The following DLG2 variants were observed in gnomAD, a reference collection of about 807,000 sequenced individuals.
The protein encoded by DLG2 is discs large MAGUK scaffold protein 2, also known as disks large homolog 2.
A neutral mutation model predicts 132.5 loss-of-function variants in DLG2; 45 were observed. The ratio of observed to expected loss-of-function variants is 0.34; its 90% CI spans 0.27 to 0.44. The LOEUF (loss-of-function observed/expected upper bound fraction) is 0.44, where lower values mean the gene tolerates loss of function less well. DLG2 is among the 20% of genes least tolerant of loss of function. The probability of loss-of-function intolerance (pLI) is 1.00; values close to 1 mark genes in which losing one functional copy is unlikely to be tolerated. For synonymous variants in DLG2, 424 were observed against 419.6 expected (o/e 1.01, Z -0.13); for missense variants, 1,045 against 1,196.9 (o/e 0.87, Z 1.87).
intron 6 of DLG2, among the ~76,000 whole-genome samples, chr11:84,600,008 T>C (rs2099571904): frequency 6.8e-6 from 1 of 147,910 alleles, no homozygotes; most frequent in Non-Finnish European, 1.5e-5. Context: ...GAAGATCACC[T>C]GAGCCCTGCG....
intron 7 of DLG2, among the ~76,000 whole-genome samples, chr11:84,443,849 T>C (rs1303662737): frequency 1.5e-4 from 23 of 152,166 alleles, no homozygotes; most frequent in Non-Finnish European, 3.1e-4. Context: ...TTTATTCATG[T>C]TTTGTCATAC....
chr11:84,774,845 A>G (rs1434593099), intron 6 of DLG2, among the ~76,000 whole-genome samples: 1 of 152,182 alleles, frequency 6.6e-6, no homozygotes, highest in African/African-American at 2.4e-5. Context: ...AATAAAACAT[A>G]GGAAGCACCA....
chr11:85,401,372 A>C (rs1199512495), intron 3 of DLG2, among the ~76,000 whole-genome samples: 2 of 152,192 alleles, frequency 1.3e-5, no homozygotes, highest in Non-Finnish European at 2.9e-5. Flanking sequence ...ATAAACCCAC[A>C]GCCAATATCG....
At chr11:84,381,114 C>T (rs901314022) in intron 7 of DLG2, among the ~76,000 whole-genome samples, 1 of 151,638 alleles carries the variant, frequency 6.6e-6, no homozygotes, top group Non-Finnish European at 1.5e-5. Flanking sequence ...TTTTCTCTAC[C>T]AAATTTGAAA....
intron 11 of DLG2, among the ~76,000 whole-genome samples, chr11:84,004,610 T>TA (rs1215722009): frequency 6.6e-6 from 1 of 151,834 alleles, no homozygotes; most frequent in Admixed American, 6.6e-5. Context: ...AAAATCAATA[T>TA]AAAAAATCAG....
chr11:84,316,412 A>G (rs993014321), intron 7 of DLG2, among the ~76,000 whole-genome samples: 1 of 152,220 alleles, frequency 6.6e-6, no homozygotes, highest in Non-Finnish European at 1.5e-5. Context: ...TCTATAGCTA[A>G]AGAAACAAAT....
intron 6 of DLG2, among the ~76,000 whole-genome samples, chr11:84,940,806 C>A (rs1014730783): frequency 4.6e-5 from 7 of 152,110 alleles, no homozygotes; most frequent in Non-Finnish European, 8.8e-5. Flanking sequence ...ATTGCCCAGA[C>A]CAATGACCTA....
intron 18 of DLG2, among the ~76,000 whole-genome samples, chr11:83,759,541 TA>T (rs1427810309): frequency 6.6e-6 from 1 of 152,168 alleles, no homozygotes; most frequent in African/African-American, 2.4e-5. Context: ...TTTTTCATTG[TA>T]GGACTTTAAT....
intron 3 of DLG2, among the ~76,000 whole-genome samples, chr11:85,487,118 C>A (rs113590598): frequency 6.7e-6 from 1 of 149,288 alleles, no homozygotes; most frequent in Admixed American, 6.7e-5. Context: ...ATTCAGCCAA[C>A]AATGTATATA....
rs575294143 is a variant in DLG2, at chr11:85,207,055, T to C, written c.187-52404A>G. 7.1e-4 allele frequency among the ~76,000 whole-genome samples: 108 copies of C among 152,264 alleles called. 1 individual carries two copies. Among genetic ancestry groups the C allele is most frequent in the African/African-American group, 2.5e-3 (104 of 41,558 alleles). The stretch of plus-strand genomic sequence containing the variant: ...AAACACATTTCACTGTTGAGACAAC[T>C]TGTCAGTGATATTCAATTTGCTGTC... On this transcript the variant is annotated intron_variant, in intron 4 of 27. Transcript: ENST00000376104.
At chr11:84,942,316 C>T (rs965534177) in intron 6 of DLG2, among the ~76,000 whole-genome samples, 2 of 152,000 alleles carry the variant, frequency 1.3e-5, no homozygotes, top group African/African-American at 4.8e-5. Context: ...AGATGAATCA[C>T]TGGTTGTTTA....
chr11:83,970,089 G>A (rs569710296), intron 12 of DLG2, among the ~76,000 whole-genome samples: 2 of 152,210 alleles, frequency 1.3e-5, no homozygotes, highest in East Asian at 3.9e-4. Flanking sequence ...AAAACCAAAG[G>A]CTAGAAACTA....
chr11:85,059,070 G>GA (rs138738333), intron 6 of DLG2, among the ~76,000 whole-genome samples: 1 of 151,300 alleles, frequency 6.6e-6, no homozygotes, highest in African/African-American at 2.4e-5. Context: ...GAAAATGCAA[G>GA]AAAAAGAGTG....
intron 6 of DLG2, among the ~76,000 whole-genome samples, chr11:85,069,232 A>C (rs980190605): frequency 3.3e-5 from 5 of 152,266 alleles, no homozygotes; most frequent in Non-Finnish European, 7.4e-5. Flanking sequence ...CATTCAGGAC[A>C]TAGGCATGGG....
chr11:84,806,921 G>T (rs943872428), intron 6 of DLG2, among the ~76,000 whole-genome samples: 1 of 151,986 alleles, frequency 6.6e-6, no homozygotes, highest in Non-Finnish European at 1.5e-5. Context: ...ATGAAAATAA[G>T]GTTTCTATGC....
chr11:84,568,575 T>C (rs2099467213), intron 6 of DLG2, among the ~76,000 whole-genome samples: 2 of 152,150 alleles, frequency 1.3e-5, no homozygotes, highest in South Asian at 2.1e-4. Context: ...CAGAAGCATG[T>C]TGGGAGGCTC....
intron 3 of DLG2, among the ~76,000 whole-genome samples, chr11:85,420,946 G>C (rs1212731533): frequency 6.6e-6 from 1 of 152,144 alleles, no homozygotes; most frequent in Non-Finnish European, 1.5e-5. Context: ...AGAGTGAACA[G>C]TTGTGTCTTG....
At chr11:84,564,684 T>C (rs1485778453) in intron 6 of DLG2, among the ~76,000 whole-genome samples, 1 of 152,166 alleles carries the variant, frequency 6.6e-6, no homozygotes, top group African/African-American at 2.4e-5. Flanking sequence ...GGTCTCAAGT[T>C]GCCATAACTG....
intron 4 of DLG2, among the ~76,000 whole-genome samples, chr11:85,258,929 C>G (rs1014798728): frequency 6.6e-6 from 1 of 152,144 alleles, no homozygotes; most frequent in African/African-American, 2.4e-5. Flanking sequence ...ATCTTCATGA[C>G]TATTTTCTGA....
Sources: allele counts gnomAD v4.1 joint callset (sites outside exome capture counted in the v4.1 genomes callset), GRCh38; gene constraint gnomAD v4.1.1; transcripts MANE v1.5; gene names NCBI Gene and HGNC (gene_info 2026-07-23, HGNC 2026-07-21).